TTC28: variants seen among roughly 807,000 people sequenced by gnomAD.
TTC28 encodes tetratricopeptide repeat domain 28.
Under a neutral mutation model 198.0 loss-of-function variants are expected in TTC28, and 61 were observed. That is an observed-to-expected ratio of 0.31 (90% CI 0.25 to 0.38). The LOEUF is 0.38. Among genes scored for constraint, TTC28 ranks in the 10% least tolerant of loss-of-function variants. The pLI, the probability that TTC28 is intolerant of heterozygous loss-of-function variation, is 1.00. For missense variants in TTC28, 2,678 were observed against 3,164.0 expected (o/e 0.85, Z 3.69); for synonymous variants, 1,171 against 1,297.8 (o/e 0.90, Z 2.10).
At chr22:28,123,085 C>T (rs1381925471) in intron 6 of TTC28, among the ~76,000 whole-genome samples, 3 of 152,320 alleles carry the variant, frequency 2.0e-5, no homozygotes, top group Admixed American at 6.5e-5. Context: ...CTTCTCTTGG[C>T]AGCAAAAGCC....
chr22:28,087,121 A>G (rs1941636520), intron 12 of TTC28, among the ~76,000 whole-genome samples: 1 of 152,172 alleles, frequency 6.6e-6, no homozygotes, highest in South Asian at 2.1e-4. Flanking sequence ...AAACTATTCC[A>G]ATCAATAGAA....
intron 2 of TTC28, among the ~76,000 whole-genome samples, chr22:28,453,012 T>C (rs761299033): frequency 2.0e-4 from 30 of 152,206 alleles, no homozygotes; most frequent in Admixed American, 1.4e-3. Context: ...GGGTATCCTA[T>C]ATCCAGCTCC....
At chr22:28,290,350 T>C (rs989996101) in intron 5 of TTC28, among the ~76,000 whole-genome samples, 2 of 152,150 alleles carry the variant, frequency 1.3e-5, no homozygotes, top group Non-Finnish European at 2.9e-5. Context: ...AAAAAACTTA[T>C]ATAAAACTTA....
rs138705163 is a variant in TTC28, at chr22:28,589,747, T to C, written c.381+39805A>G. ...GTTACCTCTAGTTGAATTATAAAAA[T>C]AACAGAAAACGGTCGGGCATGGTGG... On this transcript the variant is annotated intron_variant, in intron 2 of 22. Coordinates refer to ENST00000397906, the MANE Select transcript of TTC28 (RefSeq NM_001145418.2). 6.3e-3 allele frequency among the ~76,000 whole-genome samples: 957 copies of C among 152,162 alleles called. 8 individuals are homozygous for C. Among genetic ancestry groups the C allele is most frequent in the African/African-American group, 0.022 (918 of 41,522 alleles).
At chr22:28,349,541 A>C (rs1187427797) in intron 2 of TTC28, among the ~76,000 whole-genome samples, 1 of 152,192 alleles carries the variant, frequency 6.6e-6, no homozygotes, top group Non-Finnish European at 1.5e-5. Context: ...GTTACAGAAA[A>C]AGAGCACTGG....
intron 2 of TTC28, among the ~76,000 whole-genome samples, chr22:28,427,781 G>T (rs76058636): frequency 1.3e-5 from 2 of 150,838 alleles, no homozygotes; most frequent in Admixed American, 6.6e-5. Context: ...AAAAAAAAAA[G>T]AAGTCGAATT....
chr22:28,670,588 A>C (rs962250623), intron 1 of TTC28, among the ~76,000 whole-genome samples: 3 of 152,020 alleles, frequency 2.0e-5, no homozygotes, highest in Non-Finnish European at 4.4e-5. Context: ...TTATCCAGTC[A>C]ACAGTTAGTT....
At chr22:28,659,457 T>C (rs969265426) in intron 1 of TTC28, among the ~76,000 whole-genome samples, 1 of 152,014 alleles carries the variant, frequency 6.6e-6, no homozygotes, top group Non-Finnish European at 1.5e-5. Flanking sequence ...TTAGTGGAGA[T>C]GGGGTTTTAC....
At chr22:28,379,339 C>G (rs887710694) in intron 2 of TTC28, among the ~76,000 whole-genome samples, 3 of 152,148 alleles carry the variant, frequency 2.0e-5, no homozygotes, top group Non-Finnish European at 2.9e-5. Flanking sequence ...ATGTTCAAAG[C>G]TGCCTTATTC....
At chr22:28,194,325 A>G (rs1475171835) in intron 5 of TTC28, among the ~76,000 whole-genome samples, 1 of 152,204 alleles carries the variant, frequency 6.6e-6, no homozygotes, top group East Asian at 1.9e-4. Context: ...CCACAAGAGA[A>G]AGCAGGAAAG....
chr22:28,178,543 G>C (rs1031234775), intron 5 of TTC28, among the ~76,000 whole-genome samples: 4 of 152,198 alleles, frequency 2.6e-5, no homozygotes, highest in African/African-American at 4.8e-5. Flanking sequence ...TGGGGGAATG[G>C]CTAATTCTAG....
intron 2 of TTC28, among the ~76,000 whole-genome samples, chr22:28,590,993 A>T (rs2050416430): frequency 7.3e-6 from 1 of 136,896 alleles, no homozygotes. Flanking sequence ...GCGACAAGAG[A>T]GAAACTCTGC....
chr22:28,115,285 C>T (rs993048142), intron 6 of TTC28, among the ~76,000 whole-genome samples: 1 of 152,160 alleles, frequency 6.6e-6, no homozygotes, highest in Admixed American at 6.5e-5. Flanking sequence ...CTCAGCCTCC[C>T]AAGTAGCTGG....
intron 5 of TTC28, among the ~76,000 whole-genome samples, chr22:28,247,934 T>C (rs939092117): frequency 3.3e-5 from 5 of 152,154 alleles, no homozygotes; most frequent in African/African-American, 1.2e-4. Context: ...GATTTGCATT[T>C]TTAATACAAA....
chr22:28,241,522 C>A (rs1244293472), intron 5 of TTC28, among the ~76,000 whole-genome samples: 2 of 151,894 alleles, frequency 1.3e-5, no homozygotes, highest in African/African-American at 2.4e-5. Flanking sequence ...TAAGAGAATA[C>A]CCTTATTCTC....
At chr22:28,638,184 T>C (rs2051306282) in intron 1 of TTC28, among the ~76,000 whole-genome samples, 1 of 152,188 alleles carries the variant, frequency 6.6e-6, no homozygotes, top group African/African-American at 2.4e-5. Context: ...AGACTTGAAC[T>C]ATACTTTAGA....
At chr22:28,016,951 G>A (rs2146591419) in intron 13 of TTC28, among the ~76,000 whole-genome samples, 1 of 152,348 alleles carries the variant, frequency 6.6e-6, no homozygotes, top group Middle Eastern at 3.4e-3. Flanking sequence ...ACTACACAAG[G>A]AAGTGCCAGG....
chr22:28,418,297 CA>C (rs1196447624), intron 2 of TTC28, among the ~76,000 whole-genome samples: 1 of 152,180 alleles, frequency 6.6e-6, no homozygotes, highest in East Asian at 1.9e-4. Flanking sequence ...AAAGCTATAA[CA>C]AATCAAATAT....
intron 12 of TTC28, among the ~76,000 whole-genome samples, chr22:28,058,530 T>G (rs1189900291): frequency 6.6e-6 from 1 of 152,172 alleles, no homozygotes; most frequent in Non-Finnish European, 1.5e-5. Context: ...GCTAATGTTT[T>G]GCTAAATATT....
Sources: allele counts gnomAD v4.1 joint callset (sites outside exome capture counted in the v4.1 genomes callset), GRCh38; gene constraint gnomAD v4.1.1; transcripts MANE v1.5; gene names NCBI Gene and HGNC (gene_info 2026-07-23, HGNC 2026-07-21).